Variants in TMCC1 observed in about 807,000 individuals in gnomAD.
TMCC1 encodes the protein transmembrane and coiled-coil domains protein 1.
TMCC1 carries 15 observed loss-of-function variants against 52.4 expected under a neutral mutation model. The observed-to-expected ratio is 0.29, with a 90% CI of 0.19 to 0.44. The LOEUF (loss-of-function observed/expected upper bound fraction) is 0.44. Among genes scored for constraint, TMCC1 ranks in the 20% least tolerant of loss-of-function variants. The pLI, the probability that TMCC1 is intolerant of heterozygous loss-of-function variation, is 1.00. For missense variants in TMCC1, 503 were observed against 806.0 expected (o/e 0.62, Z 4.55); for synonymous variants, 279 against 301.9 (o/e 0.92, Z 0.79).
At chr3:129,844,012 A>T (rs79592825) in intron 2 of TMCC1, among the ~76,000 whole-genome samples, 12,384 of 152,116 alleles carry the variant, frequency 0.081, 667 homozygotes, top group East Asian at 0.17. Context: ...ACAGCATTAT[A>T]TAAAAAGACA....
intron 4 of TMCC1, among the ~76,000 whole-genome samples, chr3:129,763,562 A>AG (rs1204288125): frequency 1.4e-5 from 2 of 144,230 alleles, no homozygotes; most frequent in Admixed American, 7.0e-5. Context: ...AAAAAAAAAA[A>AG]AAAAAGAAAA....
Position 129,680,043 on chromosome 3 carries a change from T to C in TMCC1, c.577-8779A>G, listed in dbSNP as rs540074007. Among the ~76,000 whole-genome samples the C allele has an allele frequency of 7.9e-5, 12 of 152,318 alleles. No homozygotes were observed. In the South Asian group the frequency reaches 2.5e-3, roughly 32 times the overall value. On this transcript the variant is annotated intron_variant, in intron 4 of 6. Transcript: ENST00000393238. Reference sequence around the variant, plus strand: ...AGCTTCCCAAAGTACCTTATCTTCATACATTAAAATCAGACATTTTATAAT... The same window carrying C: ...AGCTTCCCAAAGTACCTTATCTTCACACATTAAAATCAGACATTTTATAAT...
intron 6 of TMCC1, among the ~76,000 whole-genome samples, chr3:129,652,983 T>G (rs1043766140): frequency 2.0e-5 from 3 of 152,236 alleles, no homozygotes; most frequent in Non-Finnish European, 4.4e-5. Flanking sequence ...TTGTATTGGC[T>G]CAGAATAAAC....
rs1458872441 is a variant in TMCC1, at chr3:129,860,265, G to C, written c.-184+20044C>G. On this transcript the variant is annotated intron_variant, in intron 2 of 6. Transcript: ENST00000393238. The stretch of plus-strand genomic sequence containing the variant: ...GAATTTTTTTTTTTAATAGAGATGA[G>C]GTCTCTATTGCCCAGGCTGGTCTCA... Among the ~76,000 whole-genome samples the C allele has an allele frequency of 3.3e-5, 5 of 151,674 alleles. No homozygotes were observed. The South Asian group carries it at 1.0e-3, about 32-fold the overall frequency.
chr3:129,758,672 T>C (rs898257800), intron 4 of TMCC1, among the ~76,000 whole-genome samples: 2 of 152,220 alleles, frequency 1.3e-5, no homozygotes, highest in African/African-American at 4.8e-5. Context: ...GGTTTTTGTA[T>C]AAGTGCTTTT....
intron 1 of TMCC1, among the ~76,000 whole-genome samples, chr3:129,884,540 A>G (rs2061604036): frequency 6.6e-6 from 1 of 152,212 alleles, no homozygotes; most frequent in African/African-American, 2.4e-5. Flanking sequence ...TACCCTGATT[A>G]TTAGAATTAG....
chr3:129,890,933 G>A (rs865786445), intron 1 of TMCC1, among the ~76,000 whole-genome samples: 3 of 152,198 alleles, frequency 2.0e-5, no homozygotes, highest in Non-Finnish European at 4.4e-5. Flanking sequence ...GCAGGATCAG[G>A]AAGAGGAAAC....
chr3:129,652,376 T>C (rs2086389316), intron 6 of TMCC1, among the ~76,000 whole-genome samples: 1 of 152,166 alleles, frequency 6.6e-6, no homozygotes, highest in Non-Finnish European at 1.5e-5. Context: ...CAAAGAAACC[T>C]GAAAAAGTGA....
chr3:129,688,665 A>G, intron 4 of TMCC1: 2 of 985,478 alleles, frequency 2.0e-6, no homozygotes, highest in Non-Finnish European at 2.4e-6. Flanking sequence ...AATAAACAGA[A>G]AGCTTCTGCC....
intron 2 of TMCC1, among the ~76,000 whole-genome samples, chr3:129,835,345 A>ATATATTT (rs986152419): frequency 4.6e-5 from 7 of 151,644 alleles, no homozygotes; most frequent in African/African-American, 1.7e-4. Flanking sequence ...ATATATATAT[A>ATATATTT]TTTTAATGAC....
At chr3:129,826,522 T>G (rs1280497765) in intron 4 of TMCC1, among the ~76,000 whole-genome samples, 1 of 151,836 alleles carries the variant, frequency 6.6e-6, no homozygotes, top group African/African-American at 2.4e-5. Flanking sequence ...AAAAATAAAA[T>G]GAATATACAC....
At chr3:129,753,936 C>T (rs2052758236) in intron 4 of TMCC1, among the ~76,000 whole-genome samples, 1 of 147,626 alleles carries the variant, frequency 6.8e-6, no homozygotes, top group Admixed American at 6.7e-5. Context: ...CTAGAAAATG[C>T]TAAGAATCTA....
chr3:129,806,289 TAA>T (rs2057461193), intron 4 of TMCC1, among the ~76,000 whole-genome samples: 2 of 152,102 alleles, frequency 1.3e-5, no homozygotes, highest in Admixed American at 6.6e-5. Context: ...CAGCAATAGA[TAA>T]AAGATTCCAA....
At chr3:129,775,716 T>C (rs555304263) in intron 4 of TMCC1, among the ~76,000 whole-genome samples, 1 of 152,304 alleles carries the variant, frequency 6.6e-6, no homozygotes, top group East Asian at 1.9e-4. Flanking sequence ...TACCAAATCC[T>C]ATCAAATCTA....
intron 2 of TMCC1, among the ~76,000 whole-genome samples, chr3:129,837,837 A>T (rs1384600749): frequency 6.6e-6 from 1 of 152,248 alleles, no homozygotes; most frequent in Non-Finnish European, 1.5e-5. Context: ...AATCAAGTGG[A>T]AACCAAATTA....
At chr3:129,793,166 A>AACACACACAC (rs149082077) in intron 4 of TMCC1, among the ~76,000 whole-genome samples, 94 of 148,524 alleles carry the variant, frequency 6.3e-4, no homozygotes, top group African/African-American at 2.1e-3. Context: ...GAGGCCTTCA[A>AACACACACAC]ACACACACAC....
intron 4 of TMCC1, among the ~76,000 whole-genome samples, chr3:129,821,104 G>A (rs986772191): frequency 6.6e-5 from 10 of 151,956 alleles, no homozygotes; most frequent in Non-Finnish European, 1.2e-4. Flanking sequence ...GCAGATTACC[G>A]ACTTTTTGAC....
In TMCC1 at chr3:129,866,408, G is replaced by A. The variant is rs376855158; in HGVS notation, c.-184+13901C>T. ...TTTTTTTTTTTTGAGACAGAGTTTC[G>A]CTCTTGTTGCCCAGGCTGGAGTGCA... On this transcript the variant is annotated intron_variant, in intron 2 of 6. Transcript: ENST00000393238. Among the ~76,000 whole-genome samples, 5 of 119,538 alleles carry A rather than the reference G, an allele frequency of 4.2e-5. No homozygotes were observed. The East Asian group carries it at 7.0e-4, about 17-fold the overall frequency. The allele number at this position is 119,538 out of a possible 152,430, so 78.4% of individuals were successfully genotyped here.
At chr3:129,891,410 T>C (rs1252302828) in intron 1 of TMCC1, among the ~76,000 whole-genome samples, 1 of 152,242 alleles carries the variant, frequency 6.6e-6, no homozygotes, top group African/African-American at 2.4e-5. Flanking sequence ...GAAAATTTTA[T>C]GAAATTCAAA....
Sources: allele counts gnomAD v4.1 joint callset (sites outside exome capture counted in the v4.1 genomes callset), GRCh38; gene constraint gnomAD v4.1.1; transcripts MANE v1.5; gene names NCBI Gene and HGNC (gene_info 2026-07-23, HGNC 2026-07-21).